The following SLC4A4 variants were observed in gnomAD, a reference collection of about 807,000 sequenced individuals.
The protein encoded by SLC4A4 is solute carrier family 4 member 4.
SLC4A4 carries 27 observed loss-of-function variants against 111.5 expected under a neutral mutation model. The ratio of observed to expected loss-of-function variants is 0.24; its 90% confidence interval spans 0.18 to 0.33. The LOEUF is 0.33. Ranked by LOEUF, SLC4A4 falls within the 10% of genes least tolerant of loss-of-function variation. The probability of loss-of-function intolerance (pLI) is 1.00; values close to 1 mark genes in which losing one functional copy is unlikely to be tolerated. For missense variants in SLC4A4, 909 were observed against 1,315.5 expected (o/e 0.69, Z 4.78); for synonymous variants, 443 against 463.4 (o/e 0.96, Z 0.57).
chr4:71,336,942 T>G lies in SLC4A4; in HGVS notation c.254-2428T>G, dbSNP rs56222659. On this transcript the variant is annotated intron_variant, in intron 3 of 25. Transcript: ENST00000264485. ...GTGTACATTGCCTTCATTCTTGTTG[T>G]CCAGTTCTGTCTTTGATTATCCATG... Among the ~76,000 whole-genome samples, 1,206 of 152,346 alleles carry G rather than the reference T, an allele frequency of 7.9e-3. 17 individuals carry two copies. Among genetic ancestry groups the G allele is most frequent in the African/African-American group, 0.026 (1,061 of 41,564 alleles).
chr4:71,267,353 T>A (rs1021543830), intron 3 of SLC4A4, among the ~76,000 whole-genome samples: 1 of 151,510 alleles, frequency 6.6e-6, no homozygotes, highest in Non-Finnish European at 1.5e-5. Context: ...GAAAAAAAAA[T>A]TTTGGTGAAG....
At chr4:71,399,177 T>C (rs1282726402) in intron 7 of SLC4A4, among the ~76,000 whole-genome samples, 1 of 152,222 alleles carries the variant, frequency 6.6e-6, no homozygotes, top group Non-Finnish European at 1.5e-5. Context: ...TTGTCCAATT[T>C]TGTTATCTGA....
At chr4:71,342,017 T>C (rs1034247512) in intron 4 of SLC4A4, among the ~76,000 whole-genome samples, 1 of 152,230 alleles carries the variant, frequency 6.6e-6, no homozygotes, top group African/African-American at 2.4e-5. Context: ...CTCTTTCTAA[T>C]AGACATCTAC....
rs1355796721 is a variant in SLC4A4, at chr4:71,570,516, C to T, written c.*2765C>T. 6.6e-6 allele frequency: 1 copy of T among 152,142 alleles called. No individual in the cohort carries two copies. The highest frequency in any genetic ancestry group is 1.5e-5 in the Non-Finnish European group (1 of 67,816). 9.4% of individuals were successfully genotyped at this position (152,142 alleles called of 1,614,324 possible). On this transcript the variant is annotated 3_prime_UTR_variant, in exon 26 of 26. Coordinates refer to ENST00000264485, the MANE Select transcript of SLC4A4 (RefSeq NM_001098484.3). ...AATTTACCCATTGACTAAGAATGAA[C>T]CAGATTTGGTGGTGGTTTTGTTTCT... is the stretch of plus-strand genomic sequence containing the variant.
intron 3 of SLC4A4, among the ~76,000 whole-genome samples, chr4:71,307,273 T>C (rs1725766144): frequency 6.6e-6 from 1 of 152,240 alleles, no homozygotes; most frequent in East Asian, 1.9e-4. Flanking sequence ...CAGGGCATTG[T>C]ATGCACATGC....
intron 17 of SLC4A4, among the ~76,000 whole-genome samples, chr4:71,533,406 CAGAAG>C (rs1164452647): frequency 1.3e-5 from 2 of 152,174 alleles, no homozygotes; most frequent in Admixed American, 1.3e-4. Flanking sequence ...GGAATGTCCT[CAGAAG>C]AGAAGTGAGA....
chr4:71,339,359 C>T lies in SLC4A4; in HGVS notation c.254-11C>T. 6.2e-7 allele frequency: 1 copy of T among 1,614,158 alleles called. No individual in the cohort carries two copies. Among genetic ancestry groups the T allele is most frequent in the South Asian group, 1.1e-5 (1 of 91,074 alleles). On this transcript the variant is annotated splice_polypyrimidine_tract_variant and intron_variant, in intron 3 of 25. Coordinates refer to ENST00000264485, the MANE Select transcript of SLC4A4 (RefSeq NM_001098484.3). ...AGCCAATGTTTAACCACAGTATTTT[C>T]ACTTCTGCAGTCTCTCCTGCTGCAG...
At chr4:71,350,211 A>G (rs1383004674) in intron 5 of SLC4A4, 139 bp downstream of exon 5, 16 of 852,532 alleles carry the variant, frequency 1.9e-5, no homozygotes, top group South Asian at 6.5e-5. Flanking sequence ...TTATAACATT[A>G]GTATGATTTA....
intron 2 of SLC4A4, among the ~76,000 whole-genome samples, chr4:71,111,978 T>C (rs1743102744): frequency 6.6e-6 from 1 of 152,210 alleles, no homozygotes; most frequent in South Asian, 2.1e-4. Flanking sequence ...ATTACAGACG[T>C]GAACCACTGT....
At chr4:71,386,475 T>C (rs1244473586) in intron 6 of SLC4A4, among the ~76,000 whole-genome samples, 1 of 152,112 alleles carries the variant, frequency 6.6e-6, no homozygotes, top group African/African-American at 2.4e-5. Flanking sequence ...TTGGGGTTCC[T>C]GGACCTCTTA....
rs1322685409 is a variant in SLC4A4, at chr4:71,568,681, A to G, written c.*930A>G. 4 of 152,150 alleles carry G rather than the reference A, an allele frequency of 2.6e-5. No homozygotes were observed. Among genetic ancestry groups the G allele is most frequent in the African/African-American group, 9.7e-5 (4 of 41,372 alleles). 9.4% of individuals were successfully genotyped at this position (152,150 alleles called of 1,614,324 possible). A position where few individuals can be genotyped will look rare whatever the true frequency, so the allele number is the denominator to read the frequency against. The stretch of plus-strand genomic sequence containing the variant: ...TGAATTTTTTCCTGCAGCAGGAAAC[A>G]TAGTTTTGAGTAGTTCTACCTCTTA... On this transcript the variant is annotated 3_prime_UTR_variant, in exon 26 of 26. Transcript: ENST00000264485.
intron 14 of SLC4A4, chr4:71,473,223 G>A (rs1728051624): frequency 1.6e-6 from 1 of 633,996 alleles, no homozygotes; most frequent in Non-Finnish European, 2.8e-6. Context: ...AACTCAAACT[G>A]TGGGATTTGC....
chr4:71,278,922 A>AT (rs1345151871), intron 3 of SLC4A4, among the ~76,000 whole-genome samples: 2 of 151,936 alleles, frequency 1.3e-5, no homozygotes, highest in Admixed American at 1.3e-4. Context: ...GTTGCTTTTC[A>AT]TTTTTTTCCA....
At chr4:71,227,393 T>C (rs1719121237) in intron 1 of SLC4A4, among the ~76,000 whole-genome samples, 1 of 152,164 alleles carries the variant, frequency 6.6e-6, no homozygotes, top group South Asian at 2.1e-4. Flanking sequence ...AAGTGTGTTT[T>C]ATAAATGGAT....
intron 21 of SLC4A4, among the ~76,000 whole-genome samples, chr4:71,556,523 G>A (rs1409138517): frequency 3.3e-5 from 5 of 151,838 alleles, no homozygotes; most frequent in Non-Finnish European, 7.4e-5. Flanking sequence ...TAATTAAAAA[G>A]AAGAAAAAAT....
At chr4:71,488,190 CAT>C (rs1353739573) in intron 15 of SLC4A4, among the ~76,000 whole-genome samples, 1 of 149,532 alleles carries the variant, frequency 6.7e-6, no homozygotes, top group East Asian at 2.0e-4. Context: ...TTAATAAAAA[CAT>C]AAGTTAATTT....
Position 71,486,945 on chromosome 4 carries a change from C to T in SLC4A4, c.1904-3C>T. 1 of 1,580,108 alleles carries T rather than the reference C, an allele frequency of 6.3e-7. No homozygotes were observed. Among genetic ancestry groups the T allele is most frequent in the Non-Finnish European group, 8.7e-7 (1 of 1,152,334 alleles). ...GTATAAAATAATTATCTTTTGCTTA[C>T]AGCTAATATCTCAATATCTAATGAC... On this transcript the variant is annotated splice_polypyrimidine_tract_variant and splice_region_variant and intron_variant, in intron 14 of 25. Transcript: ENST00000264485.
At chr4:71,443,148 A>ATG (rs1724916216) in intron 8 of SLC4A4, among the ~76,000 whole-genome samples, 1 of 131,652 alleles carries the variant, frequency 7.6e-6, no homozygotes, top group African/African-American at 2.9e-5. Flanking sequence ...ATATATATAT[A>ATG]TATAAATTTT....
intron 14 of SLC4A4, among the ~76,000 whole-genome samples, chr4:71,483,209 A>G (rs1729055118): frequency 6.6e-6 from 1 of 151,624 alleles, no homozygotes; most frequent in Non-Finnish European, 1.5e-5. Context: ...ATACATGTGC[A>G]GGTTTGTTAC....
Sources: gnomAD v4.1 joint callset for allele counts (sites outside exome capture counted in the v4.1 genomes callset) on GRCh38, gnomAD v4.1.1 for gene constraint, MANE v1.5 for transcripts, NCBI Gene and HGNC (gene_info 2026-07-23, HGNC 2026-07-21) for gene names.